The following IMMP1L variants were observed in gnomAD, a reference collection of about 807,000 sequenced individuals.
IMMP1L encodes the protein inner mitochondrial membrane peptidase subunit 1.
In IMMP1L, 24 loss-of-function variants were observed where a neutral mutation model predicts 21.8. That is an observed-to-expected ratio of 1.10 (90% CI 0.80 to 1.55). The LOEUF (loss-of-function observed/expected upper bound fraction) is 1.55, where lower values mean the gene tolerates loss of function less well. IMMP1L is among the 40% of genes most tolerant of loss of function. The pLI, the probability that IMMP1L is intolerant of heterozygous loss-of-function variation, is 0.00. For synonymous variants in IMMP1L, 46 were observed against 62.8 expected (o/e 0.73, Z 1.26); for missense variants, 195 against 200.7 (o/e 0.97, Z 0.17).
intron 4 of IMMP1L, among the ~76,000 whole-genome samples, chr11:31,433,957 CCACT>C (rs1953022986): frequency 2.0e-5 from 3 of 152,080 alleles, no homozygotes; most frequent in Admixed American, 1.3e-4. Flanking sequence ...AGCAGGGCAG[CCACT>C]CACTCAGCAA....
chr11:31,471,829 A>C (rs552784451), intron 1 of IMMP1L, among the ~76,000 whole-genome samples: 1 of 152,366 alleles, frequency 6.6e-6, no homozygotes, highest in South Asian at 2.1e-4. Context: ...GCTTAAAACA[A>C]CACATATTTA....
In IMMP1L at chr11:31,433,546, C is replaced by T. The variant is rs146915142; in HGVS notation, c.346G>A (p.Glu116Lys). 3 of 1,611,656 alleles carry T rather than the reference C, an allele frequency of 1.9e-6. No individual in the cohort carries two copies. In the East Asian group the frequency reaches 6.7e-5, roughly 36 times the overall value. The change falls in exon 5 of 6, where the codon GAA (glutamate) becomes AAA (lysine). Residue 116 changes from glutamate (E) to lysine (K), a missense_variant. Coordinates refer to ENST00000532287, the MANE Select transcript of IMMP1L (RefSeq NM_001304274.2). Reference protein sequence around the residue: ...SYVPMGHVWLEGDNLQNSTDS... With the variant: ...SYVPMGHVWLKGDNLQNSTDS... The stretch of plus-strand genomic sequence containing the variant: ...GTAGAATTCTGTAGATTGTCACCTT[C>T]TAACCAAACATGACCCATTGGCACC...
At chr11:31,467,780 ATTT>A (rs34229840) in intron 1 of IMMP1L, among the ~76,000 whole-genome samples, 2 of 143,524 alleles carry the variant, frequency 1.4e-5, no homozygotes, top group Non-Finnish European at 1.5e-5. Context: ...AAAGTAGATA[ATTT>A]TTTTTTTTTT....
chr11:31,452,251 T>G, intron 4 of IMMP1L: 1 of 984,922 alleles, frequency 1.0e-6, no homozygotes, highest in Non-Finnish European at 1.2e-6. Flanking sequence ...TATTTCAAAA[T>G]GCCTATTTCA....
At chr11:31,508,901 G>T (rs931557479) in intron 1 of IMMP1L, among the ~76,000 whole-genome samples, 3 of 152,118 alleles carry the variant, frequency 2.0e-5, no homozygotes, top group Non-Finnish European at 4.4e-5. Context: ...TCGATTCAGG[G>T]TTCATAAAAT....
intron 4 of IMMP1L, among the ~76,000 whole-genome samples, chr11:31,434,214 G>A (rs1462291342): frequency 6.6e-6 from 1 of 152,026 alleles, no homozygotes; most frequent in Non-Finnish European, 1.5e-5. Context: ...AATTAATGAT[G>A]GTGACCTTCT....
chr11:31,501,392 AG>A (rs1428617662), intron 1 of IMMP1L, among the ~76,000 whole-genome samples: 4 of 152,172 alleles, frequency 2.6e-5, no homozygotes, highest in African/African-American at 7.2e-5. Flanking sequence ...ATTATAAATG[AG>A]ATTGAGGCTG....
intron 1 of IMMP1L, among the ~76,000 whole-genome samples, chr11:31,495,068 C>T (rs1469139599): frequency 1.3e-5 from 2 of 152,214 alleles, no homozygotes; most frequent in Non-Finnish European, 2.9e-5. Flanking sequence ...AGGGCAGTGG[C>T]AAAATGCCAC....
intron 1 of IMMP1L, among the ~76,000 whole-genome samples, chr11:31,490,336 G>A (rs377550736): frequency 1.3e-5 from 2 of 151,890 alleles, no homozygotes; most frequent in Admixed American, 6.6e-5. Flanking sequence ...GCCGGGCATC[G>A]TGGCGCGCGC....
chr11:31,460,110 T>A (rs1954085323), intron 3 of IMMP1L, among the ~76,000 whole-genome samples: 1 of 151,954 alleles, frequency 6.6e-6, no homozygotes, highest in Non-Finnish European at 1.5e-5. Context: ...GGAGCTGAGA[T>A]CGTGTCACTG....
chr11:31,433,370 A>G (rs1952989138), intron 5 of IMMP1L, 90 bp downstream of exon 5: 1 of 746,770 alleles, frequency 1.3e-6, no homozygotes, highest in South Asian at 1.9e-5. Context: ...AGTTAAGTAC[A>G]CTGACAGCTT....
At chr11:31,508,107 C>T (rs1955841016) in intron 1 of IMMP1L, among the ~76,000 whole-genome samples, 1 of 152,026 alleles carries the variant, frequency 6.6e-6, no homozygotes, top group African/African-American at 2.4e-5. Flanking sequence ...ACCACCACAG[C>T]ACACGTTTAC....
intron 1 of IMMP1L, among the ~76,000 whole-genome samples, chr11:31,467,780 A>T (rs914595089): frequency 1.4e-5 from 2 of 143,546 alleles, no homozygotes; most frequent in East Asian, 2.0e-4. Flanking sequence ...AAAGTAGATA[A>T]TTTTTTTTTT....
At chr11:31,467,071 G>A (rs1484199428) in intron 1 of IMMP1L, among the ~76,000 whole-genome samples, 1 of 152,006 alleles carries the variant, frequency 6.6e-6, no homozygotes, top group African/African-American at 2.4e-5. Flanking sequence ...GAAAAACATT[G>A]AAAGTGAATC....
intron 1 of IMMP1L, among the ~76,000 whole-genome samples, chr11:31,482,974 C>A (rs1954950900): frequency 6.6e-6 from 1 of 151,900 alleles, no homozygotes; most frequent in South Asian, 2.1e-4. Flanking sequence ...TATATATTCA[C>A]AACTACATGC....
At chr11:31,464,664 C>A (rs11031384) in intron 1 of IMMP1L, among the ~76,000 whole-genome samples, 34,610 of 152,086 alleles carry the variant, frequency 0.23, 4,894 homozygotes, top group Non-Finnish European at 0.32. Flanking sequence ...ATATATAGCA[C>A]ATCAACAGAA....
rs1591967463 is a variant in IMMP1L, at chr11:31,453,731, G to A, written c.321+2529C>T. 2.6e-5 allele frequency among the ~76,000 whole-genome samples: 4 copies of A among 152,288 alleles called. No homozygotes were observed. In the South Asian group the frequency reaches 8.3e-4, roughly 32 times the overall value. On this transcript the variant is annotated intron_variant, in intron 4 of 5. Transcript: ENST00000532287. ...ACCCAGCATAGAAAAACTGGCAAGG[G>A]AGAAACCCTCAAAAACACTGGCTTG...
rs1486873619 is a variant in IMMP1L, at chr11:31,456,404, A to C, written c.195-18T>G. ...TGTCACCTCTGAGGGGGAAAAGTCA[A>C]AGAAATGTCTGTATTATTTATTAAG... is the stretch of plus-strand genomic sequence containing the variant. On this transcript the variant is annotated intron_variant, in intron 3 of 5. Coordinates refer to ENST00000532287, the MANE Select transcript of IMMP1L (RefSeq NM_001304274.2). 1.2e-6 allele frequency: 2 copies of C among 1,603,206 alleles called. No individual in the cohort carries two copies. The highest frequency in any genetic ancestry group is 2.2e-5 in the South Asian group (2 of 90,192).
chr11:31,432,836 TG>T (rs1380316964), intron 5 of IMMP1L, among the ~76,000 whole-genome samples: 1 of 152,206 alleles, frequency 6.6e-6, no homozygotes, highest in Non-Finnish European at 1.5e-5. Flanking sequence ...TATGAATATA[TG>T]GTCTGTGTTT....
Sources: allele counts gnomAD v4.1 joint callset (sites outside exome capture counted in the v4.1 genomes callset), GRCh38; gene constraint gnomAD v4.1.1; transcripts MANE v1.5; gene names NCBI Gene and HGNC (gene_info 2026-07-23, HGNC 2026-07-21).